The following PITPNC1 variants were observed in gnomAD, a reference collection of about 807,000 sequenced individuals.
The protein encoded by PITPNC1 is cytoplasmic phosphatidylinositol transfer protein 1.
Under a neutral mutation model 44.7 loss-of-function variants are expected in PITPNC1, and 18 were observed. The ratio of observed to expected loss-of-function variants is 0.40; its 90% CI spans 0.28 to 0.60. PITPNC1 has a LOEUF of 0.60. Among genes scored for constraint, PITPNC1 ranks in the 20% least tolerant of loss-of-function variants. PITPNC1 has a pLI of 0.39. For missense variants in PITPNC1, 290 were observed against 418.4 expected (o/e 0.69, Z 2.68); for synonymous variants, 141 against 149.6 (o/e 0.94, Z 0.42).
chr17:67,549,426 G>A (rs572040352), intron 2 of PITPNC1, among the ~76,000 whole-genome samples: 12 of 152,316 alleles, frequency 7.9e-5, no homozygotes, highest in African/African-American at 9.6e-5. Context: ...CTAAATGATC[G>A]TGGTTTTTTA....
chr17:67,495,813 A>G (rs1388797023), intron 1 of PITPNC1, among the ~76,000 whole-genome samples: 1 of 152,184 alleles, frequency 6.6e-6, no homozygotes, highest in Non-Finnish European at 1.5e-5. Context: ...CAATACAGCT[A>G]TGGTCATAAC....
intron 1 of PITPNC1, among the ~76,000 whole-genome samples, chr17:67,469,162 C>T (rs1373769848): frequency 1.3e-5 from 2 of 152,208 alleles, no homozygotes; most frequent in Non-Finnish European, 2.9e-5. Context: ...CTTTTTGTTC[C>T]CCAACTGGTG....
intron 1 of PITPNC1, among the ~76,000 whole-genome samples, chr17:67,456,664 C>CT (rs1702731267): frequency 6.6e-6 from 1 of 151,882 alleles, no homozygotes; most frequent in South Asian, 2.1e-4. Context: ...TTAATTTCTC[C>CT]TTTTTTGGTA....
At position 67,595,260 on chromosome 17, in the gene PITPNC1, C is replaced by G. The variant is rs187451301; in HGVS notation, c.366+17003C>G. On this transcript the variant is annotated intron_variant, in intron 5 of 8. Transcript: ENST00000581322. ...TCAGGCCTGGAAGGTTGTTTGTTAA[C>G]TTTTTCCAGGGCACTGGCTGGCTTC... Among the ~76,000 whole-genome samples the G allele has an allele frequency of 2.0e-4, 31 of 152,234 alleles. No homozygotes were observed. In the East Asian group the frequency reaches 6.0e-3, roughly 29 times the overall value.
In PITPNC1 at chr17:67,425,494, C is replaced by T. The variant is rs78321255; in HGVS notation, c.48+47292C>T. The stretch of plus-strand genomic sequence containing the variant: ...CCCTCCCTCCCTCCCTCCTTCCTTC[C>T]TTCTCTCTCATTCGCTATTTCTTTT... On this transcript the variant is annotated intron_variant, in intron 1 of 8. Coordinates refer to ENST00000581322, the MANE Select transcript of PITPNC1 (RefSeq NM_012417.4). Among the ~76,000 whole-genome samples the T allele has an allele frequency of 7.9e-3, 1,117 of 141,980 alleles. 13 individuals are homozygous for T. Among genetic ancestry groups the T allele is most frequent in the African/African-American group, 0.027 (1,028 of 38,258 alleles). 93.1% of individuals were successfully genotyped at this position (141,980 alleles called of 152,430 possible). A position where few individuals can be genotyped will look rare whatever the true frequency, so the allele number is the denominator to read the frequency against.
At chr17:67,383,056 C>T (rs1408424157) in intron 1 of PITPNC1, among the ~76,000 whole-genome samples, 7 of 151,680 alleles carry the variant, frequency 4.6e-5, no homozygotes, top group Non-Finnish European at 8.8e-5. Flanking sequence ...AGTGCAGTGG[C>T]GCAATCTTGG....
At chr17:67,401,039 A>G (rs1472523516) in intron 1 of PITPNC1, among the ~76,000 whole-genome samples, 1 of 151,896 alleles carries the variant, frequency 6.6e-6, no homozygotes, top group African/African-American at 2.4e-5. Context: ...GGTTCAGGCA[A>G]TTCTCCTGCC....
Position 67,692,540 on chromosome 17 carries a change from G to A in PITPNC1, c.683-32G>A, listed in dbSNP as rs368684261. On this transcript the variant is annotated intron_variant, in intron 8 of 8. Coordinates refer to ENST00000581322, the MANE Select transcript of PITPNC1 (RefSeq NM_012417.4). ...CTATTTGCCTCTCTTATAAATAACT[G>A]CTCGTTTTTCTTTCTGTTTTTCTCC... The A allele has an allele frequency of 1.4e-4, 218 of 1,512,772 alleles. 1 individual carries two copies. In the Middle Eastern group the frequency reaches 2.9e-3, roughly 20 times the overall value. 93.7% of individuals were successfully genotyped at this position (1,512,772 alleles called of 1,614,324 possible).
At chr17:67,415,856 G>T (rs2038579153) in intron 1 of PITPNC1, among the ~76,000 whole-genome samples, 1 of 151,642 alleles carries the variant, frequency 6.6e-6, no homozygotes, top group South Asian at 2.1e-4. Flanking sequence ...TGATAAATAT[G>T]CAAGAGTCAT....
intron 1 of PITPNC1, among the ~76,000 whole-genome samples, chr17:67,413,672 G>A (rs2038543085): frequency 6.6e-6 from 1 of 152,144 alleles, no homozygotes; most frequent in South Asian, 2.1e-4. Context: ...CAACAAGCCA[G>A]AGATAGATGC....
chr17:67,436,725 C>T (rs1327838982), intron 1 of PITPNC1, among the ~76,000 whole-genome samples: 1 of 151,854 alleles, frequency 6.6e-6, no homozygotes, highest in East Asian at 1.9e-4. Context: ...AGGGAAAACC[C>T]AAGGGTCTTG....
In PITPNC1 at chr17:67,452,729, AC is replaced by A. The variant is rs767517216; in HGVS notation, c.48+74530del. Among the ~76,000 whole-genome samples the A allele has an allele frequency of 1.1e-4, 16 of 151,580 alleles. No homozygotes were observed. The East Asian group carries it at 1.8e-3, about 17-fold the overall frequency. Reference sequence around the variant, plus strand: ...GATGGTCACGAACTCCTCATGATCCACCCACCTCGGCCTCCCAAAGTGTTGT... The same window carrying A: ...GATGGTCACGAACTCCTCATGATCCACCACCTCGGCCTCCCAAAGTGTTGT... On this transcript the variant is annotated intron_variant, in intron 1 of 8. Coordinates refer to ENST00000581322, the MANE Select transcript of PITPNC1 (RefSeq NM_012417.4).
At chr17:67,641,145 A>G (rs2042088612) in intron 6 of PITPNC1, among the ~76,000 whole-genome samples, 2 of 152,192 alleles carry the variant, frequency 1.3e-5, no homozygotes, top group African/African-American at 4.8e-5. Flanking sequence ...TCCTCAGAGG[A>G]TTCCCAGGAC....
chr17:67,593,925 G>C (rs1428114342), intron 5 of PITPNC1, among the ~76,000 whole-genome samples: 2 of 152,202 alleles, frequency 1.3e-5, no homozygotes, highest in African/African-American at 4.8e-5. Flanking sequence ...CAGCTTTGCT[G>C]TTTATTTACC....
At chr17:67,639,796 C>T (rs2042072381) in intron 6 of PITPNC1, among the ~76,000 whole-genome samples, 1 of 152,192 alleles carries the variant, frequency 6.6e-6, no homozygotes, top group Admixed American at 6.5e-5. Context: ...TTTCCAATAA[C>T]TGTCAAGGGT....
chr17:67,544,036 A>G (rs549444104), intron 2 of PITPNC1, among the ~76,000 whole-genome samples: 43 of 152,266 alleles, frequency 2.8e-4, no homozygotes, highest in African/African-American at 9.6e-4. Context: ...TTTTTAGTAG[A>G]GACGGGGTTT....
chr17:67,505,934 C>T (rs911834486), intron 1 of PITPNC1, among the ~76,000 whole-genome samples: 2 of 152,198 alleles, frequency 1.3e-5, no homozygotes, highest in African/African-American at 4.8e-5. Flanking sequence ...TGGCCTCCCC[C>T]TCTACCTGGA....
intron 1 of PITPNC1, among the ~76,000 whole-genome samples, chr17:67,488,309 G>T: frequency 6.6e-6 from 1 of 152,184 alleles, no homozygotes; most frequent in Non-Finnish European, 1.5e-5. Flanking sequence ...ACCTCGTGTT[G>T]CTTGGAAGCT....
Position 67,492,002 on chromosome 17 carries a change from C to CT in PITPNC1, c.49-40790dup, listed in dbSNP as rs11317057. Among the ~76,000 whole-genome samples, 524 of 138,274 alleles carry CT rather than the reference C, an allele frequency of 3.8e-3. 1 individual carries two copies. Among genetic ancestry groups the CT allele is most frequent in the African/African-American group, 0.013 (489 of 37,728 alleles). 90.7% of individuals were successfully genotyped at this position (138,274 alleles called of 152,430 possible). On this transcript the variant is annotated intron_variant, in intron 1 of 8. Transcript: ENST00000581322. The stretch of plus-strand genomic sequence containing the variant: ...TCACGAGCGGTCTTCCTTTTTTTTT[C>CT]TTTTTTTTTTAAAAAAAAAAAGATG...
Sources: gnomAD v4.1 joint callset for allele counts (sites outside exome capture counted in the v4.1 genomes callset) on GRCh38, gnomAD v4.1.1 for gene constraint, MANE v1.5 for transcripts, NCBI Gene and HGNC (gene_info 2026-07-23, HGNC 2026-07-21) for gene names.